Variants in TBL3 observed in about 807,000 individuals in gnomAD.
TBL3 encodes the protein transducin beta like 3, also known as transducin beta-like protein 3.
A neutral mutation model predicts 102.7 loss-of-function variants in TBL3; 71 were observed. That is an observed-to-expected ratio of 0.69 (90% CI 0.57 to 0.84). The LOEUF is 0.84. Among genes scored for constraint, TBL3 ranks in the 40% least tolerant of loss-of-function variants. The pLI is 0.00. For missense variants in TBL3, 1,188 were observed against 1,098.5 expected, an observed-to-expected ratio of 1.08 and a Z score of -1.15; for synonymous variants, 578 against 477.7, an observed-to-expected ratio of 1.21 and a Z score of -2.74.
In TBL3 at chr16:1,980,280, C is replaced by T; in HGVS notation, c.*1595C>T. ...GACCGCCAGCCTCCCACTCTCTGCC[C>T]CTATTCGCTGGCTGTTCCCCCCCAC... On this transcript the variant is annotated 3_prime_UTR_variant, in exon 22 of 22. Coordinates refer to ENST00000568546, the MANE Select transcript of TBL3 (RefSeq NM_006453.3). The T allele has an allele frequency of 1.3e-6, 2 of 1,517,260 alleles. No individual in the cohort carries two copies. The highest frequency in any genetic ancestry group is 1.4e-5 in the African/African-American group (1 of 73,334). 94.0% of individuals were successfully genotyped at this position (1,517,260 alleles called of 1,614,324 possible). A position where few individuals can be genotyped will look rare whatever the true frequency, so the allele number is the denominator to read the frequency against.
At chr16:1,973,989 G>T in intron 1 of TBL3, 67 bp from the exon 2 acceptor site, 1 of 1,457,572 alleles carries the variant, frequency 6.9e-7, no homozygotes. Context: ...GGAGCACCTA[G>T]CACAGGGCGG....
rs866168689 is a variant in TBL3, at chr16:1,979,868, C to A, written c.*1183C>A. The A allele has an allele frequency of 8.2e-6, 13 of 1,580,418 alleles. No individual in the cohort carries two copies. The Middle Eastern group carries it at 7.0e-4, about 85-fold the overall frequency. On this transcript the variant is annotated 3_prime_UTR_variant, in exon 22 of 22. Transcript: ENST00000568546. ...TCCAGGTAGGGCGCTGGAAACCAGGCGGTCTGCCGGTCTTCGTTCTCCACC... is the reference window on the plus strand; with the variant it reads ...TCCAGGTAGGGCGCTGGAAACCAGGAGGTCTGCCGGTCTTCGTTCTCCACC...
Position 1,980,637 on chromosome 16 carries a change from G to T in TBL3, c.*1952G>T, listed in dbSNP as rs756434137. The T allele has an allele frequency of 4.4e-6, 7 of 1,600,548 alleles. No homozygotes were observed. Among genetic ancestry groups the T allele is most frequent in the Middle Eastern group, 1.7e-4 (1 of 6,032 alleles). ...GCAAGCCACCGCCTTCCCCGCTCCCGTACCCAGGCTGGCCTGACCGAGAAG... is the reference window on the plus strand; with the variant it reads ...GCAAGCCACCGCCTTCCCCGCTCCCTTACCCAGGCTGGCCTGACCGAGAAG... On this transcript the variant is annotated 3_prime_UTR_variant, in exon 22 of 22. Transcript: ENST00000568546.
chr16:1,979,072 G>A lies in TBL3; in HGVS notation c.*387G>A, dbSNP rs1324284391. 1.3e-6 allele frequency: 2 copies of A among 1,540,136 alleles called. No homozygotes were observed. Among genetic ancestry groups the A allele is most frequent in the East Asian group, 4.9e-5 (2 of 40,974 alleles). On this transcript the variant is annotated 3_prime_UTR_variant, in exon 22 of 22. Coordinates refer to ENST00000568546, the MANE Select transcript of TBL3 (RefSeq NM_006453.3). ...CGCGCTCACTGCTCCGTCGTGGGGTGCGGCACAGAGTCCACGCACCCTCGA... is the reference window on the plus strand; with the variant it reads ...CGCGCTCACTGCTCCGTCGTGGGGTACGGCACAGAGTCCACGCACCCTCGA...
At position 1,972,857 on chromosome 16, in the gene TBL3, G is replaced by A. The variant is rs541475706; in HGVS notation, c.41+652G>A. On this transcript the variant is annotated intron_variant, in intron 1 of 21. Transcript: ENST00000568546. ...GTGCGGGGGCTGAGGGGCCGCTTTC[G>A]TTTTGGCAGTCAGGCTTCCAGAAGC... is the stretch of plus-strand genomic sequence containing the variant. 2.0e-5 allele frequency among the ~76,000 whole-genome samples: 3 copies of A among 152,296 alleles called. No homozygotes were observed. The South Asian group carries it at 6.2e-4, about 32-fold the overall frequency.
chr16:1,978,343 A>G lies in TBL3; in HGVS notation c.2165A>G (p.Asn722Ser). ...CTGCTGCGCTTCTGCGTCACGTGGAACACCAACTCGCGGCACTGCCACGAG... is the reference window on the plus strand; with the variant it reads ...CTGCTGCGCTTCTGCGTCACGTGGAGCACCAACTCGCGGCACTGCCACGAG... The part of the protein sequence containing the change: ...EALLRFCVTW[N>S]TNSRHCHEAQ... The change falls in exon 21 of 22, where the codon AAC becomes AGC. Residue 722 changes from asparagine (N) to serine (S), a missense_variant. Transcript: ENST00000568546. 2 of 1,610,864 alleles carry G rather than the reference A, an allele frequency of 1.2e-6. No individual in the cohort carries two copies. Among genetic ancestry groups the G allele is most frequent in the East Asian group, 2.2e-5 (1 of 44,798 alleles).
At position 1,980,526 on chromosome 16, in the gene TBL3, C is replaced by T; in HGVS notation, c.*1841C>T. The T allele has an allele frequency of 1.2e-6, 2 of 1,603,480 alleles. No homozygotes were observed. The highest frequency in any genetic ancestry group is 2.2e-5 in the East Asian group (1 of 44,832). ...CAGGCCGCGGCTCGTGCGCCCCACG[C>T]GTCCCAACAGTGGTGCATCTTAAGG... On this transcript the variant is annotated 3_prime_UTR_variant, in exon 22 of 22. Coordinates refer to ENST00000568546, the MANE Select transcript of TBL3 (RefSeq NM_006453.3).
At position 1,978,631 on chromosome 16, in the gene TBL3, T is replaced by G; in HGVS notation, c.2373T>G (p.Pro791=). ...LDFLWHNMKL[P]VPAAAPTPWE... ...TCCTGTGGCACAACATGAAGCTCCC[T>G]GTGCCGGCCGCCGCCCCCACCCCCT... Residue 791 remains proline, a synonymous_variant, in exon 22 of 22, where the codon CCT becomes CCG. Transcript: ENST00000568546. The G allele has an allele frequency of 1.9e-6, 3 of 1,612,680 alleles. No individual in the cohort carries two copies. The highest frequency in any genetic ancestry group is 2.5e-6 in the Non-Finnish European group (3 of 1,179,832).
chr16:1,979,577 C>T lies in TBL3; in HGVS notation c.*892C>T. ...GTGGGTGTTTGGAGTCACCGCGGGG[C>T]CACAGAGGACGAGGCCCGCCCGCAC... On this transcript the variant is annotated 3_prime_UTR_variant, in exon 22 of 22. Transcript: ENST00000568546. 1.3e-6 allele frequency: 2 copies of T among 1,540,784 alleles called. No homozygotes were observed. The highest frequency in any genetic ancestry group is 1.2e-5 in the South Asian group (1 of 86,726).
rs1476602049 is a variant in TBL3 at position 1,980,803 on chromosome 16, C to T, written c.*2118C>T. On this transcript the variant is annotated 3_prime_UTR_variant, in exon 22 of 22. Coordinates refer to ENST00000568546, the MANE Select transcript of TBL3 (RefSeq NM_006453.3). ...CCCTTGAGAGGGCGGGGTCCCTCAC[C>T]CGGATGGCAGGGGCTGGGAGCTTCA... 6.6e-7 allele frequency: 1 copy of T among 1,505,198 alleles called. No homozygotes were observed. The highest frequency in any genetic ancestry group is 1.4e-5 in the African/African-American group (1 of 72,440). The allele number at this position is 1,505,198 out of a possible 1,614,324, so 93.2% of individuals were successfully genotyped here. A position where few individuals can be genotyped will look rare whatever the true frequency, so the allele number is the denominator to read the frequency against.
rs1292468033 is a variant in TBL3 at position 1,981,192 on chromosome 16, C to T, written c.*2507C>T. The T allele has an allele frequency of 1.2e-6, 2 of 1,613,396 alleles. No individual in the cohort carries two copies. The highest frequency in any genetic ancestry group is 8.5e-7 in the Non-Finnish European group (1 of 1,180,000). On this transcript the variant is annotated 3_prime_UTR_variant, in exon 22 of 22. Coordinates refer to ENST00000568546, the MANE Select transcript of TBL3 (RefSeq NM_006453.3). ...GGGGGCCTGCCATGGCTGTGGCTTCCAGGCTGCAGATTCCTGAAATGGGCG... is the reference window on the plus strand; with the variant it reads ...GGGGGCCTGCCATGGCTGTGGCTTCTAGGCTGCAGATTCCTGAAATGGGCG...
chr16:1,980,018 C>A lies in TBL3; in HGVS notation c.*1333C>A. On this transcript the variant is annotated 3_prime_UTR_variant, in exon 22 of 22. Transcript: ENST00000568546. The stretch of plus-strand genomic sequence containing the variant: ...CTACCTGAGGGGTGCCGCAGCAGCA[C>A]GTCCAGGCTCTCCTGGGCCTGCGCC... 6.2e-7 allele frequency: 1 copy of A among 1,605,846 alleles called. No homozygotes were observed. Among genetic ancestry groups the A allele is most frequent in the Non-Finnish European group, 8.5e-7 (1 of 1,177,446 alleles).
At chr16:1,977,839 C>T (rs1219194355) in intron 18 of TBL3, 39 bp downstream of exon 18, 9 of 1,567,932 alleles carry the variant, frequency 5.7e-6, no homozygotes, top group Non-Finnish European at 7.8e-6. Context: ...CGCATCAGCC[C>T]TGCTCTGTGC....
At position 1,980,605 on chromosome 16, in the gene TBL3, C is replaced by T. The variant is rs146912850; in HGVS notation, c.*1920C>T. ...CTTTGGGCTTCACTGGTCCCTGGCG[C>T]CCCCAGGCAAGCCACCGCCTTCCCC... On this transcript the variant is annotated 3_prime_UTR_variant, in exon 22 of 22. Transcript: ENST00000568546. 14 of 1,590,054 alleles carry T rather than the reference C, an allele frequency of 8.8e-6. No individual in the cohort carries two copies. The highest frequency in any genetic ancestry group is 1.7e-4 in the Middle Eastern group (1 of 6,014).
In TBL3 at chr16:1,980,926, C is replaced by T. The variant is rs1482772200; in HGVS notation, c.*2241C>T. 6.2e-7 allele frequency: 1 copy of T among 1,610,618 alleles called. No homozygotes were observed. Among genetic ancestry groups the T allele is most frequent in the African/African-American group, 1.3e-5 (1 of 74,900 alleles). ...CCGCCACCGCGGCATCAGGGTGGCC[C>T]AGGGTCACTCACCTTGAGCTGCCTG... On this transcript the variant is annotated 3_prime_UTR_variant, in exon 22 of 22. Coordinates refer to ENST00000568546, the MANE Select transcript of TBL3 (RefSeq NM_006453.3).
At position 1,980,014 on chromosome 16, in the gene TBL3, A is replaced by G. The variant is rs1218862573; in HGVS notation, c.*1329A>G. On this transcript the variant is annotated 3_prime_UTR_variant, in exon 22 of 22. Coordinates refer to ENST00000568546, the MANE Select transcript of TBL3 (RefSeq NM_006453.3). Reference sequence around the variant, plus strand: ...GGCCCTACCTGAGGGGTGCCGCAGCAGCACGTCCAGGCTCTCCTGGGCCTG... The same window carrying G: ...GGCCCTACCTGAGGGGTGCCGCAGCGGCACGTCCAGGCTCTCCTGGGCCTG... 2 of 1,605,376 alleles carry G rather than the reference A, an allele frequency of 1.2e-6. No homozygotes were observed. Among genetic ancestry groups the G allele is most frequent in the East Asian group, 4.5e-5 (2 of 44,638 alleles).
Position 1,981,237 on chromosome 16 carries a change from G to C in TBL3, c.*2552G>C, listed in dbSNP as rs2083504182. 1 of 1,608,806 alleles carries C rather than the reference G, an allele frequency of 6.2e-7. No homozygotes were observed. The highest frequency in any genetic ancestry group is 1.3e-5 in the African/African-American group (1 of 74,948). On this transcript the variant is annotated 3_prime_UTR_variant, in exon 22 of 22. Coordinates refer to ENST00000568546, the MANE Select transcript of TBL3 (RefSeq NM_006453.3). Reference sequence around the variant, plus strand: ...TGGGCGAGGACCCTTCTGCCTCCCCGTGCTTGAGAGGGCTCTGGGGGACCC... The same window carrying C: ...TGGGCGAGGACCCTTCTGCCTCCCCCTGCTTGAGAGGGCTCTGGGGGACCC...
rs768952586 is a variant in TBL3 at position 1,974,833 on chromosome 16, G to A, written c.450G>A (p.Ser150=). Residue 150 remains serine, a synonymous_variant, in exon 6 of 22, where the codon TCG becomes TCA. Coordinates refer to ENST00000568546, the MANE Select transcript of TBL3 (RefSeq NM_006453.3). ...RHYGTHHFRG[S]PGVVHLVAFH... Reference sequence around the variant, plus strand: ...ACGGGACACACCACTTCCGAGGCTCGCCCGGTGTCGTGCAGTGAGTTGGAA... The same window carrying A: ...ACGGGACACACCACTTCCGAGGCTCACCCGGTGTCGTGCAGTGAGTTGGAA... The A allele has an allele frequency of 3.6e-5, 58 of 1,613,164 alleles. 2 individuals carry two copies. The highest frequency in any genetic ancestry group is 3.5e-4 in the South Asian group (32 of 91,086).
Position 1,974,652 on chromosome 16 carries a change from G to C in TBL3, c.352G>C (p.Asp118His). 6.2e-7 allele frequency: 1 copy of C among 1,608,784 alleles called. No homozygotes were observed. Among genetic ancestry groups the C allele is most frequent in the South Asian group, 1.1e-5 (1 of 90,910 alleles). Residue 118 changes from aspartate (D) to histidine (H), a missense_variant, in exon 5 of 22, where the codon GAC becomes CAC. Transcript: ENST00000568546. The part of the protein sequence containing the change: ...HTAPVATMAF[D>H]PTSTLLATGG... ...GGCCCCCGTGGCCACCATGGCCTTC[G>C]ACCCCACCTCCACTCTGCTAGCCAC...
Sources: allele counts gnomAD v4.1 joint callset (sites outside exome capture counted in the v4.1 genomes callset), GRCh38; gene constraint gnomAD v4.1.1; transcripts MANE v1.5; gene names NCBI Gene and HGNC (gene_info 2026-07-23, HGNC 2026-07-21).